GPC5: variants seen among roughly 807,000 people sequenced by gnomAD.
The protein encoded by GPC5 is glypican-5.
A neutral mutation model predicts 53.9 loss-of-function variants in GPC5; 47 were observed. That is an observed-to-expected ratio of 0.87 (90% confidence interval 0.69 to 1.11). The LOEUF (loss-of-function observed/expected upper bound fraction) is 1.11. GPC5 is among the 50% of genes most tolerant of loss of function. The pLI is 0.00. For missense variants in GPC5, 748 were observed against 713.1 expected, an observed-to-expected ratio of 1.05 and a Z score of -0.56; for synonymous variants, 286 against 263.3, an observed-to-expected ratio of 1.09 and a Z score of -0.84.
chr13:92,223,151 G>T (rs754388462), intron 7 of GPC5, among the ~76,000 whole-genome samples: 11 of 152,008 alleles, frequency 7.2e-5, no homozygotes, highest in Non-Finnish European at 1.2e-4. Flanking sequence ...TTTCTTTTAC[G>T]ATGAATATTA....
At chr13:92,844,009 T>C (rs1594544677) in intron 7 of GPC5, among the ~76,000 whole-genome samples, 1 of 151,542 alleles carries the variant, frequency 6.6e-6, no homozygotes, top group South Asian at 2.1e-4. Context: ...GTGCTAGAGC[T>C]GGAAGACACT....
intron 2 of GPC5, among the ~76,000 whole-genome samples, chr13:91,678,443 C>T (rs163728): frequency 0.42 from 64,334 of 151,942 alleles, 17,561 homozygotes; most frequent in African/African-American, 0.79. Context: ...ATAAAGCTAA[C>T]AGAAACAAAT....
chr13:92,538,711 T>C (rs568897846), intron 7 of GPC5, among the ~76,000 whole-genome samples: 1 of 133,988 alleles, frequency 7.5e-6, no homozygotes, highest in South Asian at 2.6e-4. Context: ...GAACATACAG[T>C]GTTTGGTTTT....
chr13:91,543,450 T>C (rs1289875035), intron 2 of GPC5, among the ~76,000 whole-genome samples: 1 of 152,200 alleles, frequency 6.6e-6, no homozygotes, highest in South Asian at 2.1e-4. Flanking sequence ...TTTATATGAT[T>C]TATAATTGCT....
chr13:92,541,271 G>T lies in GPC5; in HGVS notation c.1562-325011G>T, dbSNP rs150498806. On this transcript the variant is annotated intron_variant, in intron 7 of 7. Transcript: ENST00000377067. Reference sequence around the variant, plus strand: ...TGGGTGTTACTATGGTGTTTGGCAAGGTACTACAAGATGAATGGTTTTGTA... The same window carrying T: ...TGGGTGTTACTATGGTGTTTGGCAATGTACTACAAGATGAATGGTTTTGTA... Among the ~76,000 whole-genome samples the T allele has an allele frequency of 4.3e-3, 658 of 151,812 alleles. 7 individuals are homozygous for T. The highest frequency in any genetic ancestry group is 0.015 in the African/African-American group (623 of 41,482).
intron 7 of GPC5, among the ~76,000 whole-genome samples, chr13:92,433,635 C>T (rs954173617): frequency 1.3e-5 from 2 of 152,012 alleles, no homozygotes; most frequent in African/African-American, 4.8e-5. Context: ...AATGTTATGC[C>T]TGCAATAATA....
intron 6 of GPC5, among the ~76,000 whole-genome samples, chr13:91,914,867 G>T (rs915571664): frequency 6.6e-6 from 1 of 151,938 alleles, no homozygotes; most frequent in African/African-American, 2.4e-5. Flanking sequence ...TAAATCACTT[G>T]CTATAAAACA....
intron 7 of GPC5, among the ~76,000 whole-genome samples, chr13:92,849,052 A>G (rs1323390766): frequency 6.6e-6 from 1 of 152,072 alleles, no homozygotes; most frequent in Non-Finnish European, 1.5e-5. Flanking sequence ...TTTTCATAAG[A>G]TCTTGTTGAC....
At chr13:92,204,006 T>C (rs556869787) in intron 7 of GPC5, among the ~76,000 whole-genome samples, 402 of 152,288 alleles carry the variant, frequency 2.6e-3, no homozygotes, top group Non-Finnish European at 2.7e-3. Context: ...GTTTAACATC[T>C]TTAAAATGTG....
intron 4 of GPC5, among the ~76,000 whole-genome samples, chr13:91,734,101 A>G (rs542861858): frequency 6.8e-6 from 1 of 146,776 alleles, no homozygotes; most frequent in East Asian, 1.9e-4. Flanking sequence ...GGTTTTTGTC[A>G]TAGGTTCTTT....
At chr13:92,757,583 C>A (rs191480078) in intron 7 of GPC5, among the ~76,000 whole-genome samples, 17 of 152,244 alleles carry the variant, frequency 1.1e-4, no homozygotes, top group African/African-American at 4.1e-4. Context: ...TCCTACTCAT[C>A]TGAAAAAGGG....
intron 5 of GPC5, among the ~76,000 whole-genome samples, chr13:91,901,406 C>T (rs1420827228): frequency 6.6e-6 from 1 of 152,016 alleles, no homozygotes; most frequent in African/African-American, 2.4e-5. Flanking sequence ...CTGTAAGCCT[C>T]CTATCTTCCA....
At chr13:92,040,747 A>G (rs2040935393) in intron 6 of GPC5, among the ~76,000 whole-genome samples, 1 of 152,252 alleles carries the variant, frequency 6.6e-6, no homozygotes, top group Non-Finnish European at 1.5e-5. Flanking sequence ...ACGTATGTAT[A>G]GCTCAAACCT....
rs1413507817 is a variant in GPC5, at chr13:92,760,800, C to A, written c.1562-105482C>A. On this transcript the variant is annotated intron_variant, in intron 7 of 7. Coordinates refer to ENST00000377067, the MANE Select transcript of GPC5 (RefSeq NM_004466.6). ...AATATATTTGTTGCTATAAACTTCC[C>A]CCTTAGAACTGCTTTTGCTGTATCC... 3.3e-5 allele frequency among the ~76,000 whole-genome samples: 5 copies of A among 151,844 alleles called. No homozygotes were observed. In the East Asian group the frequency reaches 7.7e-4, roughly 23 times the overall value.
At chr13:91,520,939 A>G (rs944640832) in intron 2 of GPC5, among the ~76,000 whole-genome samples, 2 of 152,136 alleles carry the variant, frequency 1.3e-5, no homozygotes, top group Admixed American at 6.5e-5. Flanking sequence ...TAATGATTAT[A>G]TTGAGATTTG....
At position 91,685,015 on chromosome 13, in the gene GPC5, C is replaced by T. The variant is rs533856340; in HGVS notation, c.326-8172C>T. 1.1e-4 allele frequency among the ~76,000 whole-genome samples: 16 copies of T among 152,298 alleles called. 1 individual carries two copies. The East Asian group carries it at 2.9e-3, about 28-fold the overall frequency. The stretch of plus-strand genomic sequence containing the variant: ...CATCTTTTCATAGCTGGCTCTTTTT[C>T]ATCACTGAGGCTTCCACTTGAATGT... On this transcript the variant is annotated intron_variant, in intron 2 of 7. Transcript: ENST00000377067.
At chr13:92,653,454 C>G (rs940746829) in intron 7 of GPC5, among the ~76,000 whole-genome samples, 3 of 152,156 alleles carry the variant, frequency 2.0e-5, no homozygotes, top group Admixed American at 1.3e-4. Flanking sequence ...ACAGCATCTG[C>G]TAAAATGTCT....
At chr13:91,647,168 T>C (rs1489079963) in intron 2 of GPC5, among the ~76,000 whole-genome samples, 1 of 151,670 alleles carries the variant, frequency 6.6e-6, no homozygotes, top group Non-Finnish European at 1.5e-5. Flanking sequence ...ACCCTGTTTT[T>C]TTTGTGCAGG....
chr13:92,002,908 G>A (rs1379928763), intron 6 of GPC5, among the ~76,000 whole-genome samples: 1 of 152,186 alleles, frequency 6.6e-6, no homozygotes, highest in Non-Finnish European at 1.5e-5. Flanking sequence ...AACCACAGTT[G>A]TTGGCTATGT....
Sources: gnomAD v4.1 joint callset for allele counts (sites outside exome capture counted in the v4.1 genomes callset) on GRCh38, gnomAD v4.1.1 for gene constraint, MANE v1.5 for transcripts, NCBI Gene and HGNC (gene_info 2026-07-23, HGNC 2026-07-21) for gene names.